Variants in FRMPD2 observed in about 807,000 individuals in gnomAD.
FRMPD2 encodes FERM and PDZ domain containing 2.
Under a neutral mutation model 140.1 loss-of-function variants are expected in FRMPD2, and 96 were observed. That is an observed-to-expected ratio of 0.69 (90% CI 0.58 to 0.81). The LOEUF is 0.81. FRMPD2 is among the 40% of genes least tolerant of loss of function. The probability of loss-of-function intolerance (pLI) is 0.00; values close to 1 mark genes in which losing one functional copy is unlikely to be tolerated. For synonymous variants in FRMPD2, 449 were observed against 547.6 expected (o/e 0.82, Z 2.52); for missense variants, 1,240 against 1,447.4 (o/e 0.86, Z 2.32).
intron 1 of FRMPD2, among the ~76,000 whole-genome samples, chr10:48,263,202 T>C (rs990610240): frequency 6.6e-6 from 1 of 152,154 alleles, no homozygotes; most frequent in East Asian, 1.9e-4. Context: ...TAAATGCATA[T>C]ATTAGAATAG....
chr10:48,235,976 A>T (rs1839957386), intron 9 of FRMPD2, among the ~76,000 whole-genome samples: 1 of 151,686 alleles, frequency 6.6e-6, no homozygotes, highest in African/African-American at 2.4e-5. Flanking sequence ...CCCCAGAGCC[A>T]CTTTCCTATC....
intron 10 of FRMPD2, among the ~76,000 whole-genome samples, chr10:48,226,665 GT>G (rs1839729689): frequency 6.6e-6 from 1 of 152,212 alleles, no homozygotes; most frequent in Non-Finnish European, 1.5e-5. Context: ...AGGACAAGAA[GT>G]TTAGACACAG....
chr10:48,203,929 G>A (rs1212406588), intron 14 of FRMPD2, among the ~76,000 whole-genome samples: 2 of 152,180 alleles, frequency 1.3e-5, no homozygotes, highest in African/African-American at 4.8e-5. Context: ...CCTTTAAGAA[G>A]TTGAGATGGG....
chr10:48,271,545 G>A (rs1218721083), intron 1 of FRMPD2, among the ~76,000 whole-genome samples: 2 of 152,038 alleles, frequency 1.3e-5, no homozygotes, highest in African/African-American at 4.8e-5. Flanking sequence ...TCTCCTTCCT[G>A]CCTCCCTTCA....
chr10:48,189,780 C>A (rs544748608), intron 16 of FRMPD2, among the ~76,000 whole-genome samples: 2 of 152,212 alleles, frequency 1.3e-5, no homozygotes, highest in African/African-American at 4.8e-5. Context: ...GATGCCACAT[C>A]TCCCAAGCAG....
At chr10:48,222,978 A>G (rs556691044) in intron 11 of FRMPD2, 145 bp downstream of exon 11, 6 of 710,958 alleles carry the variant, frequency 8.4e-6, no homozygotes, top group Middle Eastern at 5.3e-4. Flanking sequence ...ATCAGAATCC[A>G]ATCAACAGAA....
At chr10:48,251,160 G>C (rs1300824316) in intron 2 of FRMPD2, among the ~76,000 whole-genome samples, 1 of 152,102 alleles carries the variant, frequency 6.6e-6, no homozygotes, top group Non-Finnish European at 1.5e-5. Flanking sequence ...AGAGTGTAGG[G>C]GTGTCCTGGG....
intron 15 of FRMPD2, among the ~76,000 whole-genome samples, chr10:48,197,984 A>T (rs886143207): frequency 1.3e-5 from 2 of 152,240 alleles, no homozygotes; most frequent in Non-Finnish European, 2.9e-5. Context: ...ACAGTAAATT[A>T]TGAACATAAG....
chr10:48,170,391 T>A (rs1393680698), intron 26 of FRMPD2, among the ~76,000 whole-genome samples: 2 of 152,176 alleles, frequency 1.3e-5, no homozygotes, highest in Non-Finnish European at 2.9e-5. Flanking sequence ...TAACTGCTCT[T>A]TCCCTTCCCC....
At chr10:48,221,244 T>A (rs1348202518) in intron 12 of FRMPD2, among the ~76,000 whole-genome samples, 1 of 152,146 alleles carries the variant, frequency 6.6e-6, no homozygotes, top group Non-Finnish European at 1.5e-5. Context: ...AATTTCTTTA[T>A]CCACTCATTC....
chr10:48,184,564 AC>A lies in FRMPD2; in HGVS notation c.2584+1del. The A allele has an allele frequency of 4.4e-6, 7 of 1,581,282 alleles. No homozygotes were observed. Among genetic ancestry groups the A allele is most frequent in the Middle Eastern group, 1.7e-4 (1 of 6,020 alleles). On this transcript the variant is annotated splice_donor_variant, in intron 20 of 28. Coordinates refer to ENST00000374201, the MANE Select transcript of FRMPD2 (RefSeq NM_001018071.4). LOFTEE classifies it high-confidence loss of function. ...AGCTCCCAAGAGTGGGTTAAAACATACCTTTTGACTGAGAAATAATTAATTC... is the reference window on the plus strand; with the variant it reads ...AGCTCCCAAGAGTGGGTTAAAACATACTTTTGACTGAGAAATAATTAATTC...
chr10:48,239,709 G>A lies in FRMPD2; in HGVS notation c.701-17C>T. Reference sequence around the variant, plus strand: ...TTTCTGAAACTAATCAAGCAGCATGGTAGAGGGTATGGGCAGAAGCCAAGA... The same window carrying A: ...TTTCTGAAACTAATCAAGCAGCATGATAGAGGGTATGGGCAGAAGCCAAGA... On this transcript the variant is annotated splice_polypyrimidine_tract_variant and intron_variant, in intron 6 of 28. Coordinates refer to ENST00000374201, the MANE Select transcript of FRMPD2 (RefSeq NM_001018071.4). 1 of 1,603,736 alleles carries A rather than the reference G, an allele frequency of 6.2e-7. No homozygotes were observed. Among genetic ancestry groups the A allele is most frequent in the Non-Finnish European group, 8.5e-7 (1 of 1,171,016 alleles).
intron 1 of FRMPD2, among the ~76,000 whole-genome samples, chr10:48,265,000 T>C (rs1431265599): frequency 6.6e-6 from 1 of 152,160 alleles, no homozygotes; most frequent in African/African-American, 2.4e-5. Context: ...AGCTTGGTAC[T>C]GGTACAAAAA....
chr10:48,242,527 C>T (rs530842522), intron 4 of FRMPD2, among the ~76,000 whole-genome samples, 175 bp from the exon 5 acceptor site: 8 of 152,364 alleles, frequency 5.3e-5, no homozygotes, highest in African/African-American at 1.9e-4. Flanking sequence ...TCACTGAGGC[C>T]GCAAAGTGCG....
rs1224830675 is a variant in FRMPD2, at chr10:48,158,099, C to T, written c.3882-729G>A. ...AGCTCCTTGCCCTCTGGTTTTGATT[C>T]GGAGCTCCAGCTACTGGCTCTGCCT... is the stretch of plus-strand genomic sequence containing the variant. On this transcript the variant is annotated intron_variant, in intron 28 of 28. Coordinates refer to ENST00000374201, the MANE Select transcript of FRMPD2 (RefSeq NM_001018071.4). Among the ~76,000 whole-genome samples, 3 of 151,044 alleles carry T rather than the reference C, an allele frequency of 2.0e-5. No homozygotes were observed. The East Asian group carries it at 5.8e-4, about 29-fold the overall frequency.
chr10:48,182,781 G>A (rs2132424751), intron 20 of FRMPD2, among the ~76,000 whole-genome samples: 1 of 152,328 alleles, frequency 6.6e-6, no homozygotes, highest in East Asian at 1.9e-4. Context: ...CATCACAGCA[G>A]GCCATCCTTG....
At chr10:48,178,176 T>C in intron 21 of FRMPD2, 25 bp from the exon 22 acceptor site, 1 of 1,342,634 alleles carries the variant, frequency 7.4e-7, no homozygotes, top group Non-Finnish European at 1.1e-6. Flanking sequence ...CAAACAAAAA[T>C]AAAGATGGGA....
intron 22 of FRMPD2, chr10:48,177,254 C>A (rs1838433935): frequency 6.6e-6 from 1 of 151,674 alleles, no homozygotes; most frequent in Non-Finnish European, 1.5e-5. Context: ...ACTACAGGTG[C>A]CCGCTATCAC....
chr10:48,213,853 G>A (rs573664966), intron 12 of FRMPD2, among the ~76,000 whole-genome samples: 44 of 152,148 alleles, frequency 2.9e-4, no homozygotes, highest in Non-Finnish European at 5.4e-4. Flanking sequence ...GATTTTTAGG[G>A]CCATGAAATT....
Sources: allele counts gnomAD v4.1 joint callset (sites outside exome capture counted in the v4.1 genomes callset), GRCh38; gene constraint gnomAD v4.1.1; transcripts MANE v1.5; gene names NCBI Gene and HGNC (gene_info 2026-07-23, HGNC 2026-07-21).